ASCC3: variants seen among roughly 807,000 people sequenced by gnomAD.
ASCC3 encodes the protein ASC-1 complex subunit P200.
ASCC3 carries 158 observed loss-of-function variants against 256.3 expected under a neutral mutation model. The ratio of observed to expected loss-of-function variants is 0.62; its 90% CI spans 0.54 to 0.70. The LOEUF is 0.70. Ranked by LOEUF, ASCC3 falls within the 30% of genes least tolerant of loss-of-function variation. The probability of loss-of-function intolerance (pLI) is 0.00; values close to 1 mark genes in which losing one functional copy is unlikely to be tolerated. For missense variants in ASCC3, 2,259 were observed against 2,626.0 expected, an observed-to-expected ratio of 0.86 and a Z score of 3.05; for synonymous variants, 948 against 883.4, an observed-to-expected ratio of 1.07 and a Z score of -1.30.
At chr6:100,774,068 T>C (rs960808496) in intron 8 of ASCC3, among the ~76,000 whole-genome samples, 3 of 152,232 alleles carry the variant, frequency 2.0e-5, no homozygotes, top group Non-Finnish European at 4.4e-5. Flanking sequence ...CTGATTGTTA[T>C]TGTACTAAGT....
At chr6:100,758,094 A>G (rs1288476566) in intron 10 of ASCC3, among the ~76,000 whole-genome samples, 1 of 152,134 alleles carries the variant, frequency 6.6e-6, no homozygotes, top group Non-Finnish European at 1.5e-5. Flanking sequence ...CTCTGATATC[A>G]TAATACTCAA....
chr6:100,651,121 T>C (rs1158270253), intron 19 of ASCC3, among the ~76,000 whole-genome samples: 1 of 151,870 alleles, frequency 6.6e-6, no homozygotes, highest in African/African-American at 2.4e-5. Flanking sequence ...TATTTTTATA[T>C]GGTATAATAC....
At chr6:100,861,121 T>TGTTC (rs1166857584) in intron 3 of ASCC3, among the ~76,000 whole-genome samples, 1 of 152,030 alleles carries the variant, frequency 6.6e-6, no homozygotes, top group African/African-American at 2.4e-5. Flanking sequence ...AGCTGAAAAG[T>TGTTC]AGACTTACTA....
intron 37 of ASCC3, among the ~76,000 whole-genome samples, chr6:100,520,231 G>C (rs992152794): frequency 1.3e-5 from 2 of 152,028 alleles, no homozygotes; most frequent in Admixed American, 1.3e-4. Flanking sequence ...CTCTGCTTAG[G>C]TTTCTTTAAT....
chr6:100,546,903 A>G (rs576230167), intron 36 of ASCC3, among the ~76,000 whole-genome samples: 1 of 152,256 alleles, frequency 6.6e-6, no homozygotes, highest in Non-Finnish European at 1.5e-5. Flanking sequence ...AAAAATATCT[A>G]GTGTTCACAA....
intron 10 of ASCC3, among the ~76,000 whole-genome samples, chr6:100,764,778 C>T (rs535857178): frequency 4.6e-5 from 7 of 152,162 alleles, no homozygotes; most frequent in African/African-American, 1.2e-4. Context: ...AAGGCCTCAC[C>T]TCCAACTACA....
At chr6:100,759,396 A>G (rs1351433424) in intron 10 of ASCC3, among the ~76,000 whole-genome samples, 1 of 151,282 alleles carries the variant, frequency 6.6e-6, no homozygotes, top group Non-Finnish European at 1.5e-5. Flanking sequence ...TATTTAATTC[A>G]TCTTGAGTTA....
chr6:100,640,346 T>C (rs971447313), intron 24 of ASCC3, among the ~76,000 whole-genome samples: 4 of 152,340 alleles, frequency 2.6e-5, no homozygotes, highest in Non-Finnish European at 4.4e-5. Flanking sequence ...ATAATGACTA[T>C]ATATTCAAAG....
At chr6:100,630,332 C>A (rs983315749) in intron 26 of ASCC3, among the ~76,000 whole-genome samples, 2 of 152,050 alleles carry the variant, frequency 1.3e-5, no homozygotes, top group South Asian at 2.1e-4. Context: ...TGAATATGGA[C>A]TATATTCACA....
At chr6:100,758,386 T>C (rs1022949623) in intron 10 of ASCC3, among the ~76,000 whole-genome samples, 1 of 151,922 alleles carries the variant, frequency 6.6e-6, no homozygotes, top group Admixed American at 6.6e-5. Flanking sequence ...CAAACCCCAA[T>C]AGGTCCTGGT....
chr6:100,778,120 A>G (rs1470059215), intron 8 of ASCC3, among the ~76,000 whole-genome samples: 1 of 151,210 alleles, frequency 6.6e-6, no homozygotes. Context: ...AAAAAGAGAG[A>G]TAAATCAAAG....
At chr6:100,608,097 C>CATAGATATGTATATATATGTATATAT in intron 30 of ASCC3, among the ~76,000 whole-genome samples, 1 of 45,012 alleles carries the variant, frequency 2.2e-5, no homozygotes, top group Non-Finnish European at 4.1e-5. Context: ...TATCTATATA[C>CATAGATATGTATATATATGTATATAT]ACATATATAT....
At chr6:100,876,692 T>C (rs1242945729) in intron 1 of ASCC3, among the ~76,000 whole-genome samples, 1 of 152,188 alleles carries the variant, frequency 6.6e-6, no homozygotes, top group Non-Finnish European at 1.5e-5. Context: ...ACATTTAATA[T>C]GGTCCACTAA....
At chr6:100,626,124 C>CTTA (rs1172779967) in intron 29 of ASCC3, among the ~76,000 whole-genome samples, 3 of 151,770 alleles carry the variant, frequency 2.0e-5, no homozygotes, top group Non-Finnish European at 2.9e-5. Flanking sequence ...AATCACTTGG[C>CTTA]TTATCTTGAA....
rs57465763 is a variant in ASCC3, at chr6:100,771,866, GTT to G, written c.1396-4523_1396-4522del. 4.9e-4 allele frequency among the ~76,000 whole-genome samples: 45 copies of G among 91,832 alleles called. 1 individual carries two copies. The highest frequency in any genetic ancestry group is 2.1e-3 in the Admixed American group (17 of 8,074). 60.2% of individuals were successfully genotyped at this position (91,832 alleles called of 152,430 possible). A position where few individuals can be genotyped will look rare whatever the true frequency, so the allele number is the denominator to read the frequency against. On this transcript the variant is annotated intron_variant, in intron 8 of 41. Coordinates refer to ENST00000369162, the MANE Select transcript of ASCC3 (RefSeq NM_006828.4). The stretch of plus-strand genomic sequence containing the variant: ...ATCACTTTAATAAAACAATCTGCAA[GTT>G]TTTTTTTTTTTTTTTTTTTTTTTTT...
intron 37 of ASCC3, among the ~76,000 whole-genome samples, chr6:100,538,843 T>G (rs1438024806): frequency 6.6e-6 from 1 of 151,988 alleles, no homozygotes; most frequent in Non-Finnish European, 1.5e-5. Context: ...CTTTTGAAAA[T>G]TTTAAAAATG....
chr6:100,761,456 C>A (rs1286487667), intron 10 of ASCC3, among the ~76,000 whole-genome samples: 1 of 152,002 alleles, frequency 6.6e-6, no homozygotes, highest in Non-Finnish European at 1.5e-5. Context: ...CCACTGTAGT[C>A]CAGCCTTGGT....
intron 14 of ASCC3, among the ~76,000 whole-genome samples, chr6:100,671,404 C>T (rs968388295): frequency 6.6e-6 from 1 of 151,988 alleles, no homozygotes; most frequent in Non-Finnish European, 1.5e-5. Flanking sequence ...ATTTTGTGAA[C>T]AGACGATTTG....
At chr6:100,724,345 C>G (rs1779521909) in intron 11 of ASCC3, among the ~76,000 whole-genome samples, 1 of 151,226 alleles carries the variant, frequency 6.6e-6, no homozygotes, top group African/African-American at 2.4e-5. Flanking sequence ...CATTTTATTA[C>G]TTATGTTTGA....
Sources: gnomAD v4.1 joint callset for allele counts (sites outside exome capture counted in the v4.1 genomes callset) on GRCh38, gnomAD v4.1.1 for gene constraint, MANE v1.5 for transcripts, NCBI Gene and HGNC (gene_info 2026-07-23, HGNC 2026-07-21) for gene names.